The following PCDHA9 variants were observed in gnomAD, a reference collection of about 807,000 sequenced individuals.
PCDHA9 encodes protocadherin alpha-9.
PCDHA9 carries 62 observed loss-of-function variants against 62.0 expected under a neutral mutation model. The observed-to-expected ratio is 1.00, with a 90% CI of 0.81 to 1.23. The LOEUF (loss-of-function observed/expected upper bound fraction) is 1.23, where lower values mean the gene tolerates loss of function less well. Ranked by LOEUF, PCDHA9 falls within the 50% of genes most tolerant of loss-of-function variation. The pLI, the probability that PCDHA9 is intolerant of heterozygous loss-of-function variation, is 0.00. For synonymous variants in PCDHA9, 557 were observed against 567.6 expected (o/e 0.98, Z 0.27); for missense variants, 1,205 against 1,249.8 (o/e 0.96, Z 0.54).
At chr5:140,895,292 C>T (rs1032250917) in intron 1 of PCDHA9, among the ~76,000 whole-genome samples, 11 of 152,044 alleles carry the variant, frequency 7.2e-5, no homozygotes, top group Non-Finnish European at 1.2e-4. Flanking sequence ...TTAGGACCTT[C>T]GATTTCCCCC....
chr5:140,994,483 G>A (rs1356969213), intron 3 of PCDHA9, among the ~76,000 whole-genome samples: 1 of 152,062 alleles, frequency 6.6e-6, no homozygotes, highest in East Asian at 1.9e-4. Context: ...CGGGTGGATT[G>A]CCTGAACCCA....
chr5:140,929,326 G>A, intron 1 of PCDHA9: 1 of 1,538,470 alleles, frequency 6.5e-7, no homozygotes. Context: ...CAATGCCATG[G>A]TAAGCAAATT....
chr5:140,887,649 T>C (rs2061527192), intron 1 of PCDHA9, among the ~76,000 whole-genome samples: 1 of 152,162 alleles, frequency 6.6e-6, no homozygotes, highest in South Asian at 2.1e-4. Context: ...TTTGTTGATA[T>C]TCTTGGATCT....
chr5:141,008,641 T>G (rs569373015), intron 3 of PCDHA9, among the ~76,000 whole-genome samples: 1 of 152,344 alleles, frequency 6.6e-6, no homozygotes, highest in Admixed American at 6.5e-5. Context: ...TAACAATTTC[T>G]TCTTCTGGAG....
chr5:140,954,698 A>C (rs185399105), intron 1 of PCDHA9, among the ~76,000 whole-genome samples: 5 of 152,208 alleles, frequency 3.3e-5, no homozygotes, highest in African/African-American at 1.2e-4. Context: ...TAGACTACAA[A>C]ATTTTTCTCC....
intron 3 of PCDHA9, among the ~76,000 whole-genome samples, chr5:141,008,259 T>G (rs986818585): frequency 3.3e-5 from 5 of 152,202 alleles, no homozygotes; most frequent in Non-Finnish European, 7.3e-5. Context: ...TAGAGGAGAC[T>G]GAGAAGTAAT....
At chr5:140,923,950 C>T (rs544576500) in intron 1 of PCDHA9, among the ~76,000 whole-genome samples, 3 of 152,266 alleles carry the variant, frequency 2.0e-5, no homozygotes, top group Admixed American at 6.5e-5. Flanking sequence ...TTTTTCCTCA[C>T]GCCCTAATCT....
At chr5:140,872,539 A>G (rs2053732284) in intron 1 of PCDHA9, among the ~76,000 whole-genome samples, 1 of 152,128 alleles carries the variant, frequency 6.6e-6, no homozygotes, top group Admixed American at 6.5e-5. Flanking sequence ...ACATGAGAGG[A>G]TCCCCTGAAC....
intron 3 of PCDHA9, among the ~76,000 whole-genome samples, chr5:140,997,500 C>T (rs567570276): frequency 5.3e-4 from 80 of 152,250 alleles, no homozygotes; most frequent in South Asian, 3.9e-3. Context: ...TGTATCTCAA[C>T]ATACCTAAAC....
intron 1 of PCDHA9, among the ~76,000 whole-genome samples, chr5:140,973,039 C>T (rs782146596): frequency 1.3e-5 from 2 of 152,040 alleles, no homozygotes; most frequent in Non-Finnish European, 2.9e-5. Flanking sequence ...ACTTTGAGTA[C>T]TCTAGTAGAT....
intron 1 of PCDHA9, chr5:140,882,570 A>G (rs1562776435): frequency 6.2e-7 from 1 of 1,614,240 alleles, no homozygotes. Flanking sequence ...CGGAGCGCGG[A>G]GTGCAGCATC....
At chr5:140,937,906 C>T (rs1235683629) in intron 1 of PCDHA9, among the ~76,000 whole-genome samples, 6 of 130,108 alleles carry the variant, frequency 4.6e-5, no homozygotes, top group African/African-American at 6.4e-5. Context: ...AGTGAGACTC[C>T]GTCTCAAAAA....
In PCDHA9 at chr5:140,852,911, C is replaced by T. The variant is rs2150524968; in HGVS notation, c.2394+2022C>T. The T allele has an allele frequency of 1.1e-4, 89 of 791,740 alleles. 5 individuals are homozygous for T. The highest frequency in any genetic ancestry group is 1.3e-4 in the Non-Finnish European group (82 of 639,880). The allele number at this position is 791,740 out of a possible 1,614,324, so 49.0% of individuals were successfully genotyped here. On this transcript the variant is annotated intron_variant, in intron 1 of 3. Coordinates refer to ENST00000532602, the MANE Select transcript of PCDHA9 (RefSeq NM_031857.2). Reference sequence around the variant, plus strand: ...TTTTTTTTTTTGAGTCAGAGTCTCGCTCTGTTGCCCAGGCTGGAGTGCAGT... The same window carrying T: ...TTTTTTTTTTTGAGTCAGAGTCTCGTTCTGTTGCCCAGGCTGGAGTGCAGT...
In PCDHA9 at chr5:140,850,562, C is replaced by T. The variant is rs782715661; in HGVS notation, c.2067C>T (p.Pro689=). ...GGGCGTCAGTGGGTGCCACGGGCCC[C>T]GAGGTGACGCTGGTGGATGTCAACG... ...SSRASVGATG[P]EVTLVDVNVY... The change falls in exon 1 of 4, where the codon CCC becomes CCT. Residue 689 remains proline (P), a synonymous_variant. Transcript: ENST00000532602. 1 of 1,598,314 alleles carries T rather than the reference C, an allele frequency of 6.3e-7. No individual in the cohort carries two copies. The highest frequency in any genetic ancestry group is 8.6e-7 in the Non-Finnish European group (1 of 1,167,800).
intron 1 of PCDHA9, among the ~76,000 whole-genome samples, chr5:140,936,591 G>T (rs1188475668): frequency 6.6e-6 from 1 of 152,180 alleles, no homozygotes; most frequent in Non-Finnish European, 1.5e-5. Context: ...CAGTTAGATT[G>T]CCTACTTTCC....
intron 3 of PCDHA9, among the ~76,000 whole-genome samples, chr5:140,987,227 AT>A (rs1395687024): frequency 4.6e-5 from 7 of 151,696 alleles, no homozygotes; most frequent in African/African-American, 1.7e-4. Context: ...AAAAAAAAAA[AT>A]AATAAATAAA....
intron 1 of PCDHA9, chr5:140,857,917 G>A: frequency 6.3e-7 from 1 of 1,597,868 alleles, no homozygotes; most frequent in South Asian, 1.1e-5. Context: ...CGTTTCGCGT[G>A]GGGCTGTACA....
intron 1 of PCDHA9, chr5:140,884,023 G>C (rs1554181067): frequency 2.5e-6 from 4 of 1,613,202 alleles, no homozygotes; most frequent in Non-Finnish European, 3.4e-6. Flanking sequence ...CGCGGTCGGT[G>C]GGTGCAGGCC....
chr5:140,946,997 C>A (rs2094069050), intron 1 of PCDHA9, among the ~76,000 whole-genome samples: 1 of 151,382 alleles, frequency 6.6e-6, no homozygotes. Context: ...GTTCTAACTT[C>A]AAAGAAATGA....
Sources: allele counts gnomAD v4.1 joint callset (sites outside exome capture counted in the v4.1 genomes callset), GRCh38; gene constraint gnomAD v4.1.1; transcripts MANE v1.5; gene names NCBI Gene and HGNC (gene_info 2026-07-23, HGNC 2026-07-21).